The following ANKRD20A1 variants were observed in gnomAD, a reference collection of about 807,000 sequenced individuals.
ANKRD20A1 encodes the protein ankyrin repeat domain 20 family member A1, also known as ankyrin repeat domain-containing protein 20A1.
In ANKRD20A1, 2 loss-of-function variants were observed where a neutral mutation model predicts 50.9. The observed-to-expected ratio is 0.04, with a 90% CI of 0.02 to 0.12. The LOEUF (loss-of-function observed/expected upper bound fraction) is 0.12. ANKRD20A1 is among the 10% of genes least tolerant of loss of function. The pLI is 1.00. For missense variants in ANKRD20A1, 31 were observed against 548.1 expected (o/e 0.06, Z 9.42); for synonymous variants, 10 against 186.2 (o/e 0.05, Z 7.70).
At chr9:67,867,892 CG>C (rs1827601583) in intron 4 of ANKRD20A1, among the ~76,000 whole-genome samples, 1 of 124,664 alleles carries the variant, frequency 8.0e-6, no homozygotes, top group Non-Finnish European at 1.7e-5. Flanking sequence ...CTCTTGACCT[CG>C]TGATCTGCTC....
At chr9:67,881,042 T>A (rs1827785182) in intron 8 of ANKRD20A1, among the ~76,000 whole-genome samples, 1 of 145,672 alleles carries the variant, frequency 6.9e-6, no homozygotes, top group South Asian at 2.3e-4. Flanking sequence ...CTTATTATTT[T>A]GGTATCATAT....
intron 1 of ANKRD20A1, among the ~76,000 whole-genome samples, chr9:67,861,348 A>G (rs1827498387): frequency 2.2e-5 from 1 of 46,312 alleles, no homozygotes; most frequent in Admixed American, 1.7e-4. Context: ...CATTTATGCA[A>G]ACATAATCAT....
intron 1 of ANKRD20A1, among the ~76,000 whole-genome samples, chr9:67,859,957 C>G (rs1827488204): frequency 2.1e-5 from 1 of 47,570 alleles, no homozygotes; most frequent in African/African-American, 1.2e-4. Flanking sequence ...GAAAAGTTCT[C>G]AGATAAGAGA....
chr9:67,872,702 G>A (rs1659531135), intron 6 of ANKRD20A1, among the ~76,000 whole-genome samples: 3 of 131,862 alleles, frequency 2.3e-5, no homozygotes, highest in African/African-American at 8.5e-5. Context: ...ATAGGAGATG[G>A]GGTCTCTCTA....
At chr9:67,881,719 C>T (rs879594257) in intron 8 of ANKRD20A1, among the ~76,000 whole-genome samples, 520 of 142,510 alleles carry the variant, frequency 3.6e-3, no homozygotes, top group Middle Eastern at 7.2e-3. Context: ...CGCTTGAACC[C>T]GGGAGGCGGA....
intron 9 of ANKRD20A1, among the ~76,000 whole-genome samples, chr9:67,885,081 T>C (rs1427697195): frequency 1.3e-5 from 2 of 149,728 alleles, no homozygotes; most frequent in Non-Finnish European, 3.0e-5. Context: ...AGGAGCTGAG[T>C]TGTGAGTTCC....
chr9:67,867,572 C>T (rs1206462539), intron 4 of ANKRD20A1, among the ~76,000 whole-genome samples, 189 bp downstream of exon 4: 1 of 152,274 alleles, frequency 6.6e-6, no homozygotes, highest in South Asian at 2.1e-4. Context: ...GATTCATCTT[C>T]TCTTATAATA....
chr9:67,865,179 TAAG>T (rs1297947596), intron 3 of ANKRD20A1, among the ~76,000 whole-genome samples: 1 of 151,386 alleles, frequency 6.6e-6, no homozygotes, highest in Non-Finnish European at 1.5e-5. Flanking sequence ...GTATGTTTGT[TAAG>T]TTTATAGAAC....
In ANKRD20A1 at chr9:67,891,148, G is replaced by C. The variant is rs1000960790; in HGVS notation, c.1082-2288G>C. On this transcript the variant is annotated intron_variant, in intron 11 of 14. Transcript: ENST00000562196. ...CATCTCTACTAAAAACACAAAATTA[G>C]CTGGGCATGGTGGCACATACCTGTA... Among the ~76,000 whole-genome samples, 9 of 85,482 alleles carry C rather than the reference G, an allele frequency of 1.1e-4. 2 individuals are homozygous for C. The highest frequency in any genetic ancestry group is 2.2e-4 in the Non-Finnish European group (9 of 40,068). 56.1% of individuals were successfully genotyped at this position (85,482 alleles called of 152,430 possible).
intron 6 of ANKRD20A1, among the ~76,000 whole-genome samples, chr9:67,873,604 AAGGACTCAC>A (rs1312929789): frequency 8.2e-4 from 114 of 139,858 alleles, no homozygotes; most frequent in African/African-American, 2.8e-3. Context: ...GGTTCATTAG[AAGGACTCAC>A]AGGACTCAAC....
At chr9:67,863,684 G>C (rs555484221) in intron 3 of ANKRD20A1, among the ~76,000 whole-genome samples, 1 of 32,300 alleles carries the variant, frequency 3.1e-5, no homozygotes, top group Non-Finnish European at 5.8e-5. Context: ...TTCTTAATTA[G>C]TGTAAAACAA....
rs1231568048 is a variant in ANKRD20A1, at chr9:67,860,059, C to CT, written c.203+446dup. On this transcript the variant is annotated intron_variant, in intron 1 of 14. Transcript: ENST00000562196. ...CATTTTATAGGGAATTCATTATATT[C>CT]TTTTTTTTTTTTTTTTGAGTCAGAG... 6.5e-4 allele frequency among the ~76,000 whole-genome samples: 9 copies of CT among 13,872 alleles called. 3 individuals are homozygous for CT. Among genetic ancestry groups the CT allele is most frequent in the African/African-American group, 3.1e-3 (9 of 2,862 alleles). The allele number at this position is 13,872 out of a possible 152,430, so 9.1% of individuals were successfully genotyped here.
At chr9:67,871,449 C>T (rs1827645275) in intron 6 of ANKRD20A1, among the ~76,000 whole-genome samples, 1 of 138,338 alleles carries the variant, frequency 7.2e-6, no homozygotes, top group East Asian at 2.2e-4. Flanking sequence ...TTTATAATCT[C>T]AAACATTATT....
rs1164665849 is a variant in ANKRD20A1 at position 67,861,337 on chromosome 9, C to T, written c.204-1604C>T. On this transcript the variant is annotated intron_variant, in intron 1 of 14. Coordinates refer to ENST00000562196, the MANE Select transcript of ANKRD20A1 (RefSeq NM_032250.5). ...CATATGTTTTGCTTATATACTCATTCCATTTATGCAAACATAATCATTTCA... is the reference window on the plus strand; with the variant it reads ...CATATGTTTTGCTTATATACTCATTTCATTTATGCAAACATAATCATTTCA... Among the ~76,000 whole-genome samples the T allele has an allele frequency of 2.4e-4, 11 of 46,644 alleles. 4 individuals carry two copies. The highest frequency in any genetic ancestry group is 4.7e-4 in the Non-Finnish European group (11 of 23,408). 30.6% of individuals were successfully genotyped at this position (46,644 alleles called of 152,430 possible). A position where few individuals can be genotyped will look rare whatever the true frequency, so the allele number is the denominator to read the frequency against.
At chr9:67,884,208 G>A (rs1405469403) in intron 8 of ANKRD20A1, among the ~76,000 whole-genome samples, 5 of 146,664 alleles carry the variant, frequency 3.4e-5, no homozygotes, top group African/African-American at 1.2e-4. Flanking sequence ...AGACCAGCCT[G>A]GGCAGTATAA....
chr9:67,889,550 CA>C (rs1827915740), intron 11 of ANKRD20A1, among the ~76,000 whole-genome samples: 1 of 52,968 alleles, frequency 1.9e-5, no homozygotes, highest in Non-Finnish European at 3.7e-5. Context: ...TCATGGAAAA[CA>C]ACATATATAA....
intron 1 of ANKRD20A1, among the ~76,000 whole-genome samples, chr9:67,861,202 A>G (rs1194049751): frequency 2.1e-5 from 1 of 48,688 alleles, no homozygotes; most frequent in East Asian, 4.0e-4. Flanking sequence ...TCTATTCTTT[A>G]TCATTATTGT....
intron 4 of ANKRD20A1, among the ~76,000 whole-genome samples, chr9:67,867,875 T>C (rs1292071620): frequency 8.1e-6 from 1 of 123,426 alleles, no homozygotes; most frequent in Non-Finnish European, 1.8e-5. Flanking sequence ...GCCAGGATGG[T>C]CTCGATCTCT....
At chr9:67,884,877 G>A (rs1430989976) in intron 9 of ANKRD20A1, among the ~76,000 whole-genome samples, 12 of 150,568 alleles carry the variant, frequency 8.0e-5, no homozygotes, top group African/African-American at 4.8e-5. Flanking sequence ...GCGACAGAGC[G>A]AGACTCCGTC....
Sources: allele counts gnomAD v4.1 joint callset (sites outside exome capture counted in the v4.1 genomes callset), GRCh38; gene constraint gnomAD v4.1.1; transcripts MANE v1.5; gene names NCBI Gene and HGNC (gene_info 2026-07-23, HGNC 2026-07-21).